The following PHF8 variants were observed in gnomAD, a reference collection of about 807,000 sequenced individuals.
The protein encoded by PHF8 is PHD finger protein 8.
A neutral mutation model predicts 74.4 loss-of-function variants in PHF8; 9 were observed. That is an observed-to-expected ratio of 0.12 (90% confidence interval 0.07 to 0.21). PHF8 has a LOEUF of 0.21. PHF8 is among the 10% of genes least tolerant of loss of function. The pLI is 1.00. For synonymous variants in PHF8, 311 were observed against 316.6 expected, an observed-to-expected ratio of 0.98 and a Z score of 0.19; for missense variants, 478 against 816.6, an observed-to-expected ratio of 0.59 and a Z score of 5.05.
chrX:54,009,844 GAAAAAAAAAAAAAAA>G (rs782363250), intron 8 of PHF8, among the ~76,000 whole-genome samples: 56 of 9,376 alleles, frequency 6.0e-3, no homozygotes, highest in South Asian at 0.019. Context: ...CTCTGTCTCA[GAAAAAAAAAAAAAAA>G]AAAAAAAAAA....
chrX:53,966,906 C>A (rs1381857524), intron 18 of PHF8, among the ~76,000 whole-genome samples: 1 of 108,923 alleles, frequency 9.2e-6, no homozygotes, highest in Non-Finnish European at 1.9e-5. Context: ...ATGTGAGGAG[C>A]GCCTCTGCCC....
chrX:53,961,327 AT>A (rs1227095597), intron 19 of PHF8, among the ~76,000 whole-genome samples: 225 of 100,922 alleles, frequency 2.2e-3, no homozygotes, highest in African/African-American at 6.1e-3. Flanking sequence ...ACCTAGCCAA[AT>A]TTTTTTTTTT....
intron 19 of PHF8, among the ~76,000 whole-genome samples, chrX:53,955,547 CTCT>C (rs1253303940): frequency 6.3e-5 from 5 of 79,055 alleles, no homozygotes; most frequent in African/African-American, 1.9e-4. Context: ...ATGATTTGGT[CTCT>C]TCTTTTCTTT....
chrX:53,964,868 CAAA>C (rs782274910), intron 18 of PHF8, among the ~76,000 whole-genome samples: 1 of 37,772 alleles, frequency 2.6e-5, no homozygotes, highest in Non-Finnish European at 5.0e-5. Context: ...AACTCTGCCT[CAAA>C]AAAAAAAAAA....
chrX:53,972,336 A>G (rs2065306763), intron 18 of PHF8, among the ~76,000 whole-genome samples: 1 of 107,185 alleles, frequency 9.3e-6, no homozygotes, highest in Admixed American at 1.0e-4. Flanking sequence ...AAAAAAAAAA[A>G]AAAAAAAAGA....
Position 54,017,732 on chromosome X carries a change from A to G in PHF8, c.383T>C (p.Leu128Pro), listed in dbSNP as rs1557108660. 1 of 1,206,829 alleles carries G rather than the reference A, an allele frequency of 8.3e-7. No homozygotes were observed. Among genetic ancestry groups the G allele is most frequent in the Admixed American group, 2.2e-5 (1 of 46,022 alleles). The change falls in exon 5 of 22, where the codon CTG (leucine) becomes CCG (proline). Residue 128 changes from leucine to proline, a missense_variant. Leu to Pro is a moderately conservative substitution (Grantham distance 98, BLOSUM62 -3). This residue lies in a region of PHF8 where 70 missense variants were observed against 234.1 expected (regional missense o/e 0.30). Coordinates refer to ENST00000338154, the MANE Select transcript of PHF8 (RefSeq NM_015107.3). ...ENSFSVPILV[L>P]KKDGLGMTLP... is the part of the protein sequence containing the mutation. ...CGTCATGCCCAACCCATCCTTCTTC[A>G]GGACCAGGATGGGCACACTGAAGCT...
At chrX:54,004,732 C>T (rs1370624431) in intron 8 of PHF8, among the ~76,000 whole-genome samples, 1 of 109,902 alleles carries the variant, frequency 9.1e-6, no homozygotes, top group Non-Finnish European at 1.9e-5. Context: ...AGCTTCAGAC[C>T]AGCCTGATCA....
chrX:53,989,094 C>T (rs1405686874), intron 14 of PHF8, among the ~76,000 whole-genome samples: 3 of 109,587 alleles, frequency 2.7e-5, no homozygotes, highest in African/African-American at 1.0e-4. Flanking sequence ...TCCCAAGTAG[C>T]TGGGATTACA....
chrX:54,041,601 A>G (rs956484837), intron 2 of PHF8, among the ~76,000 whole-genome samples: 6 of 110,949 alleles, frequency 5.4e-5, no homozygotes, highest in Non-Finnish European at 9.4e-5. Flanking sequence ...TATCGTACAC[A>G]CTAACCTCTC....
At chrX:54,043,497 G>A (rs1170022039) in intron 1 of PHF8, among the ~76,000 whole-genome samples, 2 of 111,052 alleles carry the variant, frequency 1.8e-5, no homozygotes, top group Non-Finnish European at 3.8e-5. Flanking sequence ...AAACTGACCA[G>A]CTCGTTCTGT....
At chrX:53,984,645 T>C (rs2065532274) in intron 18 of PHF8, among the ~76,000 whole-genome samples, 1 of 111,915 alleles carries the variant, frequency 8.9e-6, no homozygotes, top group Non-Finnish European at 1.9e-5. Flanking sequence ...AAATAGATGA[T>C]AGCAAATTAT....
intron 2 of PHF8, among the ~76,000 whole-genome samples, chrX:54,028,648 A>G (rs2066307322): frequency 9.0e-6 from 1 of 111,226 alleles, no homozygotes; most frequent in South Asian, 3.8e-4. Flanking sequence ...TTCAAATTCA[A>G]CATGTCCAAA....
chrX:53,943,181 C>T (rs2064778401), intron 20 of PHF8: 2 of 835,894 alleles, frequency 2.4e-6, no homozygotes, highest in East Asian at 4.2e-5. Flanking sequence ...TTACAGCTTA[C>T]ACTGTATTGG....
chrX:53,946,397 T>C (rs1032278767), intron 19 of PHF8, among the ~76,000 whole-genome samples: 6 of 112,434 alleles, frequency 5.3e-5, no homozygotes, highest in Non-Finnish European at 1.1e-4. Context: ...AGCTAAAATA[T>C]AGCAAGCCAT....
At chrX:54,041,388 T>TA (rs370388675) in intron 2 of PHF8, among the ~76,000 whole-genome samples, 109 of 43,467 alleles carry the variant, frequency 2.5e-3, no homozygotes, top group South Asian at 0.013. Context: ...TTGTCTCAAA[T>TA]AAAAAAAAAA....
At chrX:54,006,571 A>G (rs1197092854) in intron 8 of PHF8, among the ~76,000 whole-genome samples, 2 of 112,085 alleles carry the variant, frequency 1.8e-5, no homozygotes, top group Non-Finnish European at 3.8e-5. Flanking sequence ...GTATAAAGTA[A>G]TAATTAGAGC....
chrX:53,979,046 G>A (rs1323640418), intron 18 of PHF8, among the ~76,000 whole-genome samples: 2 of 110,821 alleles, frequency 1.8e-5, no homozygotes, highest in African/African-American at 6.6e-5. Flanking sequence ...ATAAACATGT[G>A]TATACCAAGA....
At chrX:53,983,721 C>A (rs2065514345) in intron 18 of PHF8, among the ~76,000 whole-genome samples, 1 of 112,113 alleles carries the variant, frequency 8.9e-6, no homozygotes, top group Non-Finnish European at 1.9e-5. Context: ...AAAGTAAAAA[C>A]TTAGGAACAA....
intron 16 of PHF8, 66 bp downstream of exon 16, chrX:53,987,012 T>C (rs2065576919): frequency 3.0e-6 from 2 of 668,262 alleles, no homozygotes; most frequent in Non-Finnish European, 4.9e-6. Flanking sequence ...CCAACTAGAA[T>C]GACAATCTGT....
Sources: allele counts gnomAD v4.1 joint callset (sites outside exome capture counted in the v4.1 genomes callset), GRCh38; gene constraint gnomAD v4.1.1; regional missense constraint gnomAD v4.1.1; transcripts MANE v1.5; gene names NCBI Gene and HGNC (gene_info 2026-07-23, HGNC 2026-07-21).